The following TRPV4 variants were observed in gnomAD, a reference collection of about 807,000 sequenced individuals.
TRPV4 encodes transient receptor potential cation channel subfamily V member 4.
TRPV4 carries 58 observed loss-of-function variants against 84.1 expected under a neutral mutation model. The observed-to-expected ratio is 0.69, with a 90% CI of 0.56 to 0.86. TRPV4 has a LOEUF of 0.86. Ranked by LOEUF, TRPV4 falls within the 40% of genes least tolerant of loss-of-function variation. The pLI is 0.00. For synonymous variants in TRPV4, 489 were observed against 500.9 expected, an observed-to-expected ratio of 0.98 and a Z score of 0.32; for missense variants, 879 against 1,181.1, an observed-to-expected ratio of 0.74 and a Z score of 3.75.
At chr12:109,791,386 A>C (rs1055127675) in intron 12 of TRPV4, among the ~76,000 whole-genome samples, 2 of 152,084 alleles carry the variant, frequency 1.3e-5, no homozygotes, top group Admixed American at 6.5e-5. Flanking sequence ...GCCACAAAAA[A>C]AATAATAATA....
At chr12:109,831,259 C>T (rs1892402124) in intron 1 of TRPV4, among the ~76,000 whole-genome samples, 1 of 152,218 alleles carries the variant, frequency 6.6e-6, no homozygotes, top group African/African-American at 2.4e-5. Context: ...ACTCTTTCCT[C>T]TACTTCTGCA....
In TRPV4 at chr12:109,786,562, G is replaced by A. The variant is rs111426900; in HGVS notation, c.2336+148C>T. On this transcript the variant is annotated intron_variant, in intron 14 of 15. Transcript: ENST00000261740. The surrounding 1 kb of genome is among the most constrained non-coding windows in gnomAD (Gnocchi z 4.5). ...GAGGTGGGCTGACTTGCCTGAGATC[G>A]CCTGGTGGAAATGAACTCTGCTCGG... 365 of 1,017,460 alleles carry A rather than the reference G, an allele frequency of 3.6e-4. No individual in the cohort carries two copies. The African/African-American group carries it at 4.3e-3, about 12-fold the overall frequency. The allele number at this position is 1,017,460 out of a possible 1,614,324, so 63.0% of individuals were successfully genotyped here.
chr12:109,793,422 G>A lies in TRPV4; in HGVS notation c.1658+105C>T, dbSNP rs1795671355. On this transcript the variant is annotated intron_variant, in intron 10 of 15. Coordinates refer to ENST00000261740, the MANE Select transcript of TRPV4 (RefSeq NM_021625.5). This position sits in a 1 kb window ranked among gnomAD's most constrained non-coding sequence, Gnocchi z 4.0. ...TGGGTTAGAGCTGCCCAGGTTGGGT[G>A]CATTCATTTCTAACAGAATCACCTC... 2.0e-6 allele frequency: 2 copies of A among 975,910 alleles called. No homozygotes were observed. Among genetic ancestry groups the A allele is most frequent in the Non-Finnish European group, 3.3e-6 (2 of 601,118 alleles). 60.5% of individuals were successfully genotyped at this position (975,910 alleles called of 1,614,324 possible).
At chr12:109,818,362 A>G (rs750055328) in intron 1 of TRPV4, among the ~76,000 whole-genome samples, 2 of 151,836 alleles carry the variant, frequency 1.3e-5, no homozygotes, top group African/African-American at 2.4e-5. Flanking sequence ...CCCAGTCAAC[A>G]ACATCAACAG....
At chr12:109,797,178 GTC>G (rs1408119991) in intron 6 of TRPV4, among the ~76,000 whole-genome samples, 1 of 152,084 alleles carries the variant, frequency 6.6e-6, no homozygotes. Flanking sequence ...TTGAGACAGA[GTC>G]TCTCTCTGTC....
At chr12:109,818,754 T>A (rs1414374928) in intron 1 of TRPV4, among the ~76,000 whole-genome samples, 3 of 152,188 alleles carry the variant, frequency 2.0e-5, no homozygotes, top group Non-Finnish European at 2.9e-5. Context: ...TCATCACCAC[T>A]ATGATATGGT....
intron 1 of TRPV4, among the ~76,000 whole-genome samples, chr12:109,823,968 T>C (rs1274546703): frequency 6.7e-6 from 1 of 149,726 alleles, no homozygotes; most frequent in Non-Finnish European, 1.5e-5. Flanking sequence ...TGTGCGCATG[T>C]GTGTGTGACA....
In TRPV4 at chr12:109,794,410, G is replaced by T; in HGVS notation, c.1410C>A (p.Ser470=). Residue 470 remains serine, a synonymous_variant, in exon 8 of 16, where the codon TCC becomes TCA. Transcript: ENST00000261740. ...GGTAGGAGACCACGTTGATGTAGAA[G>T]GAGACGGCCCCGAACTTGCGCCACT... The part of the protein sequence containing the change: ...RDKWRKFGAV[S]FYINVVSYLC... 1 of 1,614,058 alleles carries T rather than the reference G, an allele frequency of 6.2e-7. No homozygotes were observed. The highest frequency in any genetic ancestry group is 8.5e-7 in the Non-Finnish European group (1 of 1,180,028).
At chr12:109,794,931 T>C (rs1047894051) in intron 7 of TRPV4, among the ~76,000 whole-genome samples, 2 of 152,272 alleles carry the variant, frequency 1.3e-5, no homozygotes, top group Non-Finnish European at 2.9e-5. Context: ...GGCAGGAGAA[T>C]CACTTGAACC....
chr12:109,833,043 C>T (rs947898394), intron 1 of TRPV4, among the ~76,000 whole-genome samples: 2 of 152,162 alleles, frequency 1.3e-5, no homozygotes, highest in African/African-American at 4.8e-5. Context: ...GGCTCCGGGC[C>T]TTTGGTTCCC....
chr12:109,788,296 A>C, intron 13 of TRPV4, 104 bp downstream of exon 13: 1 of 1,094,604 alleles, frequency 9.1e-7, no homozygotes, highest in Non-Finnish European at 1.3e-6. Flanking sequence ...GAATGAGAAG[A>C]CACTGCTTGC....
intron 2 of TRPV4, among the ~76,000 whole-genome samples, 198 bp from the exon 3 acceptor site, chr12:109,808,666 T>C (rs952128548): frequency 3.3e-5 from 5 of 152,170 alleles, no homozygotes; most frequent in East Asian, 1.9e-4. Context: ...CTACTGTGTG[T>C]TGGGTGGAGA....
intron 5 of TRPV4, among the ~76,000 whole-genome samples, chr12:109,799,786 G>A (rs1890657197): frequency 6.6e-6 from 1 of 151,788 alleles, no homozygotes; most frequent in Non-Finnish European, 1.5e-5. Context: ...TTAAAGACGG[G>A]GTCTTGCTCT....
chr12:109,797,040 T>C (rs1890447088), intron 6 of TRPV4, among the ~76,000 whole-genome samples: 1 of 152,222 alleles, frequency 6.6e-6, no homozygotes, highest in Non-Finnish European at 1.5e-5. Flanking sequence ...ATTATAATAC[T>C]GACGATCACA....
At chr12:109,808,817 TCCAC>T (rs1891309651) in intron 2 of TRPV4, among the ~76,000 whole-genome samples, 1 of 145,622 alleles carries the variant, frequency 6.9e-6, no homozygotes, top group Non-Finnish European at 1.5e-5. Flanking sequence ...CATCCATCTA[TCCAC>T]CCATCCATCC....
chr12:109,794,234 C>T, intron 8 of TRPV4, 95 bp downstream of exon 8: 1 of 1,529,044 alleles, frequency 6.5e-7, no homozygotes, highest in Non-Finnish European at 9.0e-7. Context: ...TCCGGGTCCC[C>T]CTACAGGGGA....
intron 6 of TRPV4, among the ~76,000 whole-genome samples, chr12:109,797,286 G>A (rs984878087): frequency 6.6e-6 from 1 of 152,034 alleles, no homozygotes; most frequent in Admixed American, 6.6e-5. Context: ...TGAGTAGCTG[G>A]GATTACAGGT....
Position 109,793,392 on chromosome 12 carries a change from G to A in TRPV4, c.1658+135C>T, listed in dbSNP as rs1890162565. On this transcript the variant is annotated intron_variant, in intron 10 of 15. Coordinates refer to ENST00000261740, the MANE Select transcript of TRPV4 (RefSeq NM_021625.5). The surrounding 1 kb of genome is among the most constrained non-coding windows in gnomAD (Gnocchi z 4.0). Reference sequence around the variant, plus strand: ...ACCCTATTGTTTGTGGCTTTGTCCTGACTTTGGGTTAGAGCTGCCCAGGTT... The same window carrying A: ...ACCCTATTGTTTGTGGCTTTGTCCTAACTTTGGGTTAGAGCTGCCCAGGTT... 1 of 796,702 alleles carries A rather than the reference G, an allele frequency of 1.3e-6. No individual in the cohort carries two copies. Among genetic ancestry groups the A allele is most frequent in the African/African-American group, 1.7e-5 (1 of 58,952 alleles). 49.4% of individuals were successfully genotyped at this position (796,702 alleles called of 1,614,324 possible). A position where few individuals can be genotyped will look rare whatever the true frequency, so the allele number is the denominator to read the frequency against.
chr12:109,791,858 G>A (rs1477511382), intron 12 of TRPV4, among the ~76,000 whole-genome samples: 1 of 152,034 alleles, frequency 6.6e-6, no homozygotes, highest in Non-Finnish European at 1.5e-5. Flanking sequence ...TATAATAGGG[G>A]ATAATAAAGG....
Sources: allele counts gnomAD v4.1 joint callset (sites outside exome capture counted in the v4.1 genomes callset), GRCh38; gene constraint gnomAD v4.1.1; non-coding constraint Gnocchi (gnomAD v3.1); transcripts MANE v1.5; gene names NCBI Gene and HGNC (gene_info 2026-07-23, HGNC 2026-07-21).